Variants in DLGAP2 observed in about 807,000 individuals in gnomAD.
DLGAP2 encodes disks large-associated protein 2.
A neutral mutation model predicts 100.3 loss-of-function variants in DLGAP2; 26 were observed. The observed-to-expected ratio is 0.26, with a 90% CI of 0.19 to 0.36. The LOEUF (loss-of-function observed/expected upper bound fraction) is 0.36, where lower values mean the gene tolerates loss of function less well. DLGAP2 is among the 10% of genes least tolerant of loss of function. DLGAP2 has a pLI of 1.00. For missense variants in DLGAP2, 1,858 were observed against 1,453.2 expected (o/e 1.28, Z -4.53); for synonymous variants, 886 against 630.1 (o/e 1.41, Z -6.08).
At chr8:1,031,288 C>T (rs146729688) in intron 2 of DLGAP2, among the ~76,000 whole-genome samples, 1 of 152,178 alleles carries the variant, frequency 6.6e-6, no homozygotes, top group Non-Finnish European at 1.5e-5. Flanking sequence ...AAATCAGAGG[C>T]TCTGCAGGTC....
intron 1 of DLGAP2, among the ~76,000 whole-genome samples, chr8:885,216 C>T (rs1415873589): frequency 6.6e-6 from 1 of 152,106 alleles, no homozygotes; most frequent in Non-Finnish European, 1.5e-5. Context: ...AAATTGCTGG[C>T]AGTACGGCCA....
chr8:1,668,616 G>C lies in DLGAP2; in HGVS notation c.2098G>C (p.Ala700Pro). 3 of 1,600,384 alleles carry C rather than the reference G, an allele frequency of 1.9e-6. No individual in the cohort carries two copies. The highest frequency in any genetic ancestry group is 2.6e-6 in the Non-Finnish European group (3 of 1,174,196). Residue 700 changes from alanine (A) to proline (P), a missense_variant, in exon 9 of 15, where the codon GCC becomes CCC. Ala to Pro is a conservative substitution (Grantham distance 27). Coordinates refer to ENST00000637795, the MANE Select transcript of DLGAP2 (RefSeq NM_001346810.2). ...QSSSVRTSDK[A>P]ILVSKAEELL... The stretch of plus-strand genomic sequence containing the variant: ...CAGCTCTGTGCGGACCAGCGACAAG[G>C]CCATCCTGGTGTCCAAGGCGGAGGA...
At chr8:761,350 A>G (rs2132590519) in intron 1 of DLGAP2, among the ~76,000 whole-genome samples, 1 of 152,252 alleles carries the variant, frequency 6.6e-6, no homozygotes, top group Non-Finnish European at 1.5e-5. Flanking sequence ...GCACATCCAT[A>G]CAGTTCCTCA....
intron 3 of DLGAP2, among the ~76,000 whole-genome samples, chr8:1,427,522 G>A (rs925920368): frequency 2.6e-5 from 4 of 152,166 alleles, no homozygotes; most frequent in African/African-American, 7.2e-5. Flanking sequence ...ACTTGATATG[G>A]TTTGGCTGTG....
intron 6 of DLGAP2, among the ~76,000 whole-genome samples, chr8:1,602,381 C>T (rs1018098572): frequency 1.3e-5 from 2 of 152,224 alleles, no homozygotes; most frequent in Non-Finnish European, 2.9e-5. Context: ...ACATGCTTTA[C>T]AGCCTGGCTG....
chr8:1,704,756 G>A lies in DLGAP2; in HGVS notation c.*3350G>A, dbSNP rs981157488. 1 of 150,686 alleles carries A rather than the reference G, an allele frequency of 6.6e-6. No homozygotes were observed. Among genetic ancestry groups the A allele is most frequent in the Non-Finnish European group, 1.5e-5 (1 of 67,944 alleles). 9.3% of individuals were successfully genotyped at this position (150,686 alleles called of 1,614,324 possible). On this transcript the variant is annotated 3_prime_UTR_variant, in exon 15 of 15. Transcript: ENST00000637795. Reference sequence around the variant, plus strand: ...AGATAAAAATATAATTACCTGTAAGGTTATCTGGTTTTAAAAGAAAAAAAA... The same window carrying A: ...AGATAAAAATATAATTACCTGTAAGATTATCTGGTTTTAAAAGAAAAAAAA...
chr8:1,269,552 G>T (rs1162711705), intron 3 of DLGAP2, among the ~76,000 whole-genome samples: 5 of 152,174 alleles, frequency 3.3e-5, no homozygotes, highest in Admixed American at 1.3e-4. Flanking sequence ...GTATTATTGT[G>T]GCTGTGAATC....
At position 787,226 on chromosome 8, in the gene DLGAP2, C is replaced by G. The variant is rs1053169325; in HGVS notation, c.18+49401C>G. Among the ~76,000 whole-genome samples the G allele has an allele frequency of 4.7e-4, 72 of 152,158 alleles. 1 individual carries two copies. Among genetic ancestry groups the G allele is most frequent in the Admixed American group, 4.6e-4 (7 of 15,274 alleles). ...GAAGACTGCTGTATGTCTTTCCTGT[C>G]TCAATCGCTCGTGTTCGAACGTTAG... On this transcript the variant is annotated intron_variant, in intron 1 of 14. Coordinates refer to ENST00000637795, the MANE Select transcript of DLGAP2 (RefSeq NM_001346810.2).
At chr8:1,045,793 G>T (rs1585010010) in intron 2 of DLGAP2, among the ~76,000 whole-genome samples, 2 of 152,142 alleles carry the variant, frequency 1.3e-5, no homozygotes, top group East Asian at 3.9e-4. Context: ...CACATAGTAA[G>T]TGCTCAGCAA....
At chr8:1,134,288 T>A (rs10112424) in intron 2 of DLGAP2, among the ~76,000 whole-genome samples, 1 of 151,960 alleles carries the variant, frequency 6.6e-6, no homozygotes, top group Admixed American at 6.6e-5. Context: ...TGAATAGTGC[T>A]GCAATGAACG....
chr8:1,027,520 C>T (rs1801838605), intron 2 of DLGAP2, among the ~76,000 whole-genome samples: 1 of 150,182 alleles, frequency 6.7e-6, no homozygotes, highest in Admixed American at 6.6e-5. Flanking sequence ...GGTTACTCCC[C>T]AGGTAGGGTG....
chr8:1,468,321 GC>G (rs965969049), intron 3 of DLGAP2, among the ~76,000 whole-genome samples: 2 of 150,022 alleles, frequency 1.3e-5, no homozygotes, highest in African/African-American at 5.0e-5. Context: ...TGAGAACCTC[GC>G]CTGTTCACAC....
chr8:1,097,591 G>A (rs1804424095), intron 2 of DLGAP2, among the ~76,000 whole-genome samples: 1 of 138,124 alleles, frequency 7.2e-6, no homozygotes, highest in Non-Finnish European at 1.5e-5. Context: ...ACCCTCTGTG[G>A]CATGGAGAGG....
chr8:1,410,490 G>T (rs1299987710), intron 3 of DLGAP2, among the ~76,000 whole-genome samples: 1 of 152,204 alleles, frequency 6.6e-6, no homozygotes, highest in Non-Finnish European at 1.5e-5. Flanking sequence ...GTTTCATGGG[G>T]TCACTAGAGG....
chr8:1,064,421 A>T (rs1009395307), intron 2 of DLGAP2, among the ~76,000 whole-genome samples: 4 of 152,220 alleles, frequency 2.6e-5, no homozygotes, highest in African/African-American at 7.2e-5. Flanking sequence ...TGTATATTTG[A>T]TGGATATATA....
chr8:854,365 G>C (rs540998528), intron 1 of DLGAP2, among the ~76,000 whole-genome samples: 1 of 152,232 alleles, frequency 6.6e-6, no homozygotes, highest in South Asian at 2.1e-4. Context: ...GGACAGAGTG[G>C]GCTCTGTCTT....
intron 3 of DLGAP2, among the ~76,000 whole-genome samples, chr8:1,346,583 C>CAG: frequency 7.4e-6 from 1 of 135,224 alleles, no homozygotes; most frequent in Non-Finnish European, 1.6e-5. Flanking sequence ...TTCCCATACA[C>CAG]ATCTGCATTG....
At chr8:1,155,989 C>T (rs1446960144) in intron 2 of DLGAP2, among the ~76,000 whole-genome samples, 1 of 152,178 alleles carries the variant, frequency 6.6e-6, no homozygotes, top group Admixed American at 6.5e-5. Context: ...GAGTCCCCGT[C>T]GCAGAGGGCC....
chr8:947,149 C>T (rs11780041), intron 2 of DLGAP2, among the ~76,000 whole-genome samples: 10,194 of 152,278 alleles, frequency 0.067, 489 homozygotes, highest in Admixed American at 0.13. Context: ...TTCAATTGAA[C>T]ACAGCAGCCG....
Sources: allele counts gnomAD v4.1 joint callset (sites outside exome capture counted in the v4.1 genomes callset), GRCh38; gene constraint gnomAD v4.1.1; transcripts MANE v1.5; gene names NCBI Gene and HGNC (gene_info 2026-07-23, HGNC 2026-07-21).